CDK14: variants seen among roughly 807,000 people sequenced by gnomAD.
The protein encoded by CDK14 is cyclin dependent kinase 14, also known as cyclin-dependent kinase 14.
In CDK14, 34 loss-of-function variants were observed where a neutral mutation model predicts 60.7. That is an observed-to-expected ratio of 0.56 (90% CI 0.43 to 0.75). CDK14 has a LOEUF of 0.75. Ranked by LOEUF, CDK14 falls within the 30% of genes least tolerant of loss-of-function variation. CDK14 has a pLI of 0.00. For missense variants in CDK14, 482 were observed against 564.1 expected (o/e 0.85, Z 1.47); for synonymous variants, 197 against 203.7 (o/e 0.97, Z 0.28).
intron 2 of CDK14, among the ~76,000 whole-genome samples, chr7:90,610,133 CA>C (rs1799508548): frequency 6.6e-6 from 1 of 152,200 alleles, no homozygotes; most frequent in South Asian, 2.1e-4. Flanking sequence ...ATCCCATTCT[CA>C]TAGTCCATAA....
intron 11 of CDK14, 109 bp from the exon 12 acceptor site, chr7:91,079,323 T>C (rs1798414963): frequency 1.5e-6 from 1 of 679,032 alleles, no homozygotes; most frequent in Admixed American, 2.9e-5. Context: ...TATGCTGGCC[T>C]AACTGACTGA....
chr7:90,833,356 C>G (rs997037652), intron 5 of CDK14, among the ~76,000 whole-genome samples: 3 of 152,146 alleles, frequency 2.0e-5, no homozygotes, highest in African/African-American at 7.2e-5. Context: ...AATGCATACC[C>G]CAGATATACT....
At chr7:90,776,542 A>G (rs1805053190) in intron 4 of CDK14, among the ~76,000 whole-genome samples, 1 of 152,214 alleles carries the variant, frequency 6.6e-6, no homozygotes, top group Non-Finnish European at 1.5e-5. Context: ...GCTCGGCTTT[A>G]AAGTTCACAC....
At chr7:90,725,006 A>G (rs568593204) in intron 2 of CDK14, among the ~76,000 whole-genome samples, 2 of 152,282 alleles carry the variant, frequency 1.3e-5, no homozygotes, top group Admixed American at 6.5e-5. Flanking sequence ...GTTTTCTCAC[A>G]TGCTAAAAAG....
intron 10 of CDK14, among the ~76,000 whole-genome samples, chr7:91,032,695 G>C (rs1796798441): frequency 6.6e-6 from 1 of 152,148 alleles, no homozygotes; most frequent in African/African-American, 2.4e-5. Flanking sequence ...AGGGGACAAG[G>C]CCCTACTAAC....
intron 2 of CDK14, among the ~76,000 whole-genome samples, chr7:90,704,891 GAATT>G (rs1801865168): frequency 6.6e-6 from 1 of 152,142 alleles, no homozygotes; most frequent in East Asian, 1.9e-4. Context: ...CATCAGAAGA[GAATT>G]AAGTCATAAA....
chr7:90,958,429 AT>A (rs1229969370), intron 9 of CDK14, among the ~76,000 whole-genome samples: 3 of 152,168 alleles, frequency 2.0e-5, no homozygotes, highest in Non-Finnish European at 4.4e-5. Flanking sequence ...ATCTAATACC[AT>A]TTTAATGATA....
intron 2 of CDK14, among the ~76,000 whole-genome samples, chr7:90,650,331 T>G (rs1167509346): frequency 1.3e-5 from 2 of 152,250 alleles, no homozygotes; most frequent in Non-Finnish European, 2.9e-5. Context: ...TAAATTTGTT[T>G]AAGTTCTTTG....
At chr7:90,676,411 G>T (rs1223894956) in intron 2 of CDK14, among the ~76,000 whole-genome samples, 1 of 152,076 alleles carries the variant, frequency 6.6e-6, no homozygotes, top group Admixed American at 6.6e-5. Flanking sequence ...AAAGACCCTG[G>T]TGCACTTATA....
intron 14 of CDK14, among the ~76,000 whole-genome samples, chr7:91,179,020 C>T (rs536414832): frequency 0.075 from 11,453 of 152,054 alleles, 560 homozygotes; most frequent in Admixed American, 0.15. Flanking sequence ...CTGTTTATTG[C>T]GGCATTATTC....
intron 2 of CDK14, among the ~76,000 whole-genome samples, chr7:90,651,097 T>C (rs1213773742): frequency 6.6e-6 from 1 of 152,194 alleles, no homozygotes; most frequent in Non-Finnish European, 1.5e-5. Context: ...GAGCATGGAA[T>C]GTTCTTCCAT....
At chr7:91,059,145 G>T (rs1170630759) in intron 11 of CDK14, among the ~76,000 whole-genome samples, 4 of 152,162 alleles carry the variant, frequency 2.6e-5, no homozygotes, top group Non-Finnish European at 5.9e-5. Flanking sequence ...GGGTGTGTGT[G>T]TCTAGGAATT....
At chr7:90,767,182 T>C (rs146046053) in intron 4 of CDK14, among the ~76,000 whole-genome samples, 56 of 152,360 alleles carry the variant, frequency 3.7e-4, no homozygotes, top group African/African-American at 1.3e-3. Context: ...CAGCCAAGTA[T>C]GAACTTACAC....
chr7:90,773,909 T>C (rs1377342185), intron 4 of CDK14, among the ~76,000 whole-genome samples: 11 of 123,934 alleles, frequency 8.9e-5, no homozygotes, highest in Non-Finnish European at 1.6e-4. Flanking sequence ...CTTTCTTTTT[T>C]TTTTTTTTTT....
chr7:90,714,721 A>G (rs1254862448), intron 2 of CDK14, among the ~76,000 whole-genome samples: 1 of 152,084 alleles, frequency 6.6e-6, no homozygotes, highest in Non-Finnish European at 1.5e-5. Flanking sequence ...TTTCCTGAAC[A>G]CTTTGATGGA....
At chr7:90,912,571 G>A (rs1792942482) in intron 7 of CDK14, among the ~76,000 whole-genome samples, 1 of 152,092 alleles carries the variant, frequency 6.6e-6, no homozygotes, top group African/African-American at 2.4e-5. Context: ...TAGCTGGAAA[G>A]GATTAAGTAA....
At chr7:90,902,614 T>C (rs1792548690) in intron 7 of CDK14, among the ~76,000 whole-genome samples, 1 of 152,102 alleles carries the variant, frequency 6.6e-6, no homozygotes, top group South Asian at 2.1e-4. Flanking sequence ...TCAGATGGAT[T>C]AAAAGCTTGA....
chr7:90,636,869 G>A (rs1458607336), intron 2 of CDK14, among the ~76,000 whole-genome samples: 5 of 152,002 alleles, frequency 3.3e-5, no homozygotes, highest in African/African-American at 9.7e-5. Flanking sequence ...TTGGGAGAGT[G>A]TATGTGTCGA....
In CDK14 at chr7:90,744,811, G is replaced by T. The variant is rs1441103824; in HGVS notation, c.370-2870G>T. ...GCCGGACGGGGCGGCTGGCCGGGCG[G>T]GGGGCTGACGCCCCCACCTCCCTCC... On this transcript the variant is annotated intron_variant, in intron 3 of 14. Coordinates refer to ENST00000380050, the MANE Select transcript of CDK14 (RefSeq NM_001287135.2). 4.0e-5 allele frequency among the ~76,000 whole-genome samples: 4 copies of T among 100,170 alleles called. 1 individual carries two copies. Among genetic ancestry groups the T allele is most frequent in the Non-Finnish European group, 8.9e-5 (4 of 45,098 alleles). The allele number at this position is 100,170 out of a possible 152,430, so 65.7% of individuals were successfully genotyped here.
Sources: allele counts gnomAD v4.1 joint callset (sites outside exome capture counted in the v4.1 genomes callset), GRCh38; gene constraint gnomAD v4.1.1; transcripts MANE v1.5; gene names NCBI Gene and HGNC (gene_info 2026-07-23, HGNC 2026-07-21).